Variants in COL4A2 observed in about 807,000 individuals in gnomAD.
The protein encoded by COL4A2 is collagen alpha-2(IV) chain.
In COL4A2, 99 loss-of-function variants were observed where a neutral mutation model predicts 200.2. That is an observed-to-expected ratio of 0.49 (90% CI 0.42 to 0.58). COL4A2 has a LOEUF of 0.58. Among genes scored for constraint, COL4A2 ranks in the 20% least tolerant of loss-of-function variants. COL4A2 has a pLI of 0.00. For synonymous variants in COL4A2, 897 were observed against 900.6 expected, an observed-to-expected ratio of 1.00 and a Z score of 0.07; for missense variants, 1,950 against 2,314.1, an observed-to-expected ratio of 0.84 and a Z score of 3.23.
chr13:110,333,577 A>C (rs1876028004), intron 3 of COL4A2, among the ~76,000 whole-genome samples: 1 of 152,170 alleles, frequency 6.6e-6, no homozygotes. Context: ...AACTTACCTA[A>C]GATGGGTTAT....
At chr13:110,510,582 CGT>C (rs779572541) in intron 47 of COL4A2, among the ~76,000 whole-genome samples, 43 of 151,996 alleles carry the variant, frequency 2.8e-4, no homozygotes, top group Non-Finnish European at 4.9e-4. Flanking sequence ...CACTTATGCA[CGT>C]GTGTGCATAG....
chr13:110,390,861 G>A (rs1878962059), intron 4 of COL4A2, among the ~76,000 whole-genome samples: 1 of 152,178 alleles, frequency 6.6e-6, no homozygotes, highest in Non-Finnish European at 1.5e-5. Flanking sequence ...AACGTTTGCA[G>A]TTATTACCAA....
chr13:110,458,619 C>G, intron 21 of COL4A2, 152 bp from the exon 22 acceptor site: 4 of 874,894 alleles, frequency 4.6e-6, no homozygotes, highest in Non-Finnish European at 7.1e-6. Flanking sequence ...GTTTTCCCAT[C>G]TAAGAAATGG....
intron 46 of COL4A2, 115 bp downstream of exon 46, chr13:110,506,721 C>T (rs1006667756): frequency 1.6e-5 from 18 of 1,109,000 alleles, no homozygotes; most frequent in East Asian, 2.6e-5. Context: ...GTTCCCCTGA[C>T]GGAAGGGTCC....
At position 110,308,052 on chromosome 13, in the gene COL4A2, C is replaced by T. The variant is rs2139334431; in HGVS notation, c.45-17C>T. 1 of 1,613,706 alleles carries T rather than the reference C, an allele frequency of 6.2e-7. No individual in the cohort carries two copies. Among genetic ancestry groups the T allele is most frequent in the Non-Finnish European group, 8.5e-7 (1 of 1,179,880 alleles). On this transcript the variant is annotated splice_polypyrimidine_tract_variant and intron_variant, in intron 2 of 47. Transcript: ENST00000360467. Reference sequence around the variant, plus strand: ...GGCCCGCACGTTCACGTCTCTCTTCCTCCCTTTCCCATGCAGGTGGCTGCT... The same window carrying T: ...GGCCCGCACGTTCACGTCTCTCTTCTTCCCTTTCCCATGCAGGTGGCTGCT...
chr13:110,420,438 G>GA (rs1268569566), intron 4 of COL4A2, among the ~76,000 whole-genome samples: 5 of 151,580 alleles, frequency 3.3e-5, no homozygotes, highest in Admixed American at 3.3e-4. Flanking sequence ...CAGGGGACAT[G>GA]ACATTACCAC....
At chr13:110,385,090 C>T (rs1878634088) in intron 4 of COL4A2, among the ~76,000 whole-genome samples, 1 of 152,044 alleles carries the variant, frequency 6.6e-6, no homozygotes, top group African/African-American at 2.4e-5. Flanking sequence ...CGGTAAAACA[C>T]TGTCTACTAA....
intron 3 of COL4A2, among the ~76,000 whole-genome samples, chr13:110,326,391 A>G (rs544869251): frequency 1.3e-5 from 2 of 152,226 alleles, no homozygotes; most frequent in African/African-American, 4.8e-5. Context: ...TCGTGCACCT[A>G]AACCTCAGCC....
chr13:110,506,746 A>G (rs868857076), intron 46 of COL4A2, 140 bp downstream of exon 46: 4 of 922,058 alleles, frequency 4.3e-6, no homozygotes, highest in Non-Finnish European at 4.7e-6. Context: ...ACATTCCTCG[A>G]GTGCAGAAAG....
chr13:110,503,017 A>T (rs1220742828), intron 41 of COL4A2, 104 bp from the exon 42 acceptor site: 45 of 1,054,790 alleles, frequency 4.3e-5, no homozygotes, highest in Non-Finnish European at 6.0e-5. Context: ...CATGCCACAG[A>T]CTTGCCAGAG....
chr13:110,310,066 A>G (rs1158119999), intron 3 of COL4A2, among the ~76,000 whole-genome samples: 3 of 152,220 alleles, frequency 2.0e-5, no homozygotes, highest in Non-Finnish European at 4.4e-5. Context: ...CCAGAGCCCC[A>G]GTTTCCGTAC....
At position 110,465,424 on chromosome 13, in the gene COL4A2, C is replaced by T. The variant is rs902231533; in HGVS notation, c.1796C>T (p.Pro599Leu). Reference protein sequence around the residue: ...PGPPGDGIKGPPGDPGYPGIP... With the variant: ...PGPPGDGIKGLPGDPGYPGIP... The stretch of plus-strand genomic sequence containing the variant: ...ACACAGGGTGATGGCATCAAGGGCC[C>T]TCCAGGGGACCCAGGCTATCCAGGA... Residue 599 changes from proline (P) to leucine (L), a missense_variant, in exon 25 of 48, where the codon CCT becomes CTT. By Grantham distance (98) the Pro-to-Leu change is moderately conservative. Around this residue, in one of 2 missense-constraint regions of COL4A2, gnomAD observed 1,385 missense variants for 1,720.5 expected, o/e 0.80. Coordinates refer to ENST00000360467, the MANE Select transcript of COL4A2 (RefSeq NM_001846.4). The T allele has an allele frequency of 1.2e-6, 2 of 1,612,868 alleles. No individual in the cohort carries two copies. The highest frequency in any genetic ancestry group is 1.7e-5 in the Admixed American group (1 of 59,864).
Position 110,462,376 on chromosome 13 carries a change from G to A in COL4A2, c.1768G>A (p.Gly590Ser). Residue 590 changes from glycine to serine, a missense_variant, in exon 24 of 48, where the codon GGC becomes AGC. Gly to Ser is a moderately conservative substitution (Grantham distance 56). Coordinates refer to ENST00000360467, the MANE Select transcript of COL4A2 (RefSeq NM_001846.4). ...GCTCGATGGATTCCCCGGCCTCCCAGGCCCTCCCGTGAGTAGCCACAAACT... is the reference window on the plus strand; with the variant it reads ...GCTCGATGGATTCCCCGGCCTCCCAAGCCCTCCCGTGAGTAGCCACAAACT... ...DGLDGFPGLPGPPGDGIKGPP... is the reference protein window; with the variant it reads ...DGLDGFPGLPSPPGDGIKGPP... The A allele has an allele frequency of 6.2e-7, 1 of 1,612,938 alleles. No homozygotes were observed. The highest frequency in any genetic ancestry group is 8.5e-7 in the Non-Finnish European group (1 of 1,179,922).
chr13:110,335,468 G>C (rs752144336), intron 3 of COL4A2, among the ~76,000 whole-genome samples: 3 of 152,138 alleles, frequency 2.0e-5, no homozygotes, highest in African/African-American at 7.2e-5. Context: ...TCTCTTGTCT[G>C]CCACCATGTA....
intron 3 of COL4A2, among the ~76,000 whole-genome samples, chr13:110,332,082 A>G (rs115234581): frequency 0.026 from 3,930 of 152,288 alleles, 168 homozygotes; most frequent in African/African-American, 0.088. Flanking sequence ...TGTTTTCTGT[A>G]TGTAAAATCA....
At chr13:110,357,649 G>A (rs1402057643) in intron 4 of COL4A2, 97 bp downstream of exon 4, 4 of 1,505,518 alleles carry the variant, frequency 2.7e-6, no homozygotes, top group Non-Finnish European at 3.6e-6. Context: ...TGGCTGGGCA[G>A]TTTCATCATT....
intron 20 of COL4A2, among the ~76,000 whole-genome samples, chr13:110,453,267 C>T (rs550952783): frequency 2.2e-3 from 337 of 152,058 alleles, no homozygotes; most frequent in African/African-American, 6.5e-3. Context: ...TTGGGAAAGC[C>T]GAGGGGGGCC....
chr13:110,391,772 G>A (rs577989679), intron 4 of COL4A2, among the ~76,000 whole-genome samples: 41 of 152,310 alleles, frequency 2.7e-4, no homozygotes, highest in Non-Finnish European at 5.4e-4. Flanking sequence ...TTGGTCCCCA[G>A]GTGCTCGCTA....
chr13:110,506,903 C>A (rs1883906907), intron 46 of COL4A2, among the ~76,000 whole-genome samples: 1 of 152,132 alleles, frequency 6.6e-6, no homozygotes, highest in Admixed American at 6.5e-5. Context: ...TGGAGACCAC[C>A]AATTACTTCA....
Sources: allele counts gnomAD v4.1 joint callset (sites outside exome capture counted in the v4.1 genomes callset), GRCh38; gene constraint gnomAD v4.1.1; regional missense constraint gnomAD v4.1.1; transcripts MANE v1.5; gene names NCBI Gene and HGNC (gene_info 2026-07-23, HGNC 2026-07-21).